RNF145: variants seen among roughly 807,000 people sequenced by gnomAD.
The protein encoded by RNF145 is ring finger protein 145.
In RNF145, 12 loss-of-function variants were observed where a neutral mutation model predicts 57.3. The ratio of observed to expected loss-of-function variants is 0.21; its 90% CI spans 0.13 to 0.34. RNF145 has a LOEUF of 0.34. RNF145 is among the 10% of genes least tolerant of loss of function. The pLI is 1.00. For missense variants in RNF145, 429 were observed against 799.0 expected, an observed-to-expected ratio of 0.54 and a Z score of 5.58; for synonymous variants, 262 against 288.3, an observed-to-expected ratio of 0.91 and a Z score of 0.92.
chr5:159,169,103 A>T, intron 7 of RNF145, 48 bp from the exon 8 acceptor site: 2 of 1,367,160 alleles, frequency 1.5e-6, no homozygotes, highest in Non-Finnish European at 2.0e-6. Flanking sequence ...TCTGAATCTC[A>T]TTTAATTCAA....
In RNF145 at chr5:159,158,311, C is replaced by A; in HGVS notation, c.*359G>T. Reference sequence around the variant, plus strand: ...TCCTTCTTTCCATGCTGTCCTCATGCTCTTTATCCTCACTTCCTCAGTCCC... The same window carrying A: ...TCCTTCTTTCCATGCTGTCCTCATGATCTTTATCCTCACTTCCTCAGTCCC... On this transcript the variant is annotated 3_prime_UTR_variant, in exon 11 of 11. Transcript: ENST00000424310. The A allele has an allele frequency of 4.3e-6, 1 of 234,344 alleles. No homozygotes were observed. The highest frequency in any genetic ancestry group is 7.0e-5 in the South Asian group (1 of 14,320). 14.5% of individuals were successfully genotyped at this position (234,344 alleles called of 1,614,324 possible).
chr5:159,201,605 C>A (rs151261098), intron 2 of RNF145, among the ~76,000 whole-genome samples: 136 of 152,274 alleles, frequency 8.9e-4, no homozygotes, highest in African/African-American at 3.2e-3. Flanking sequence ...GCACAAAACT[C>A]TATTTCATAA....
chr5:159,157,410 T>C lies in RNF145; in HGVS notation c.*1260A>G, dbSNP rs1286897629. The C allele has an allele frequency of 1.3e-5, 2 of 152,596 alleles. No homozygotes were observed. Among genetic ancestry groups the C allele is most frequent in the Non-Finnish European group, 2.9e-5 (2 of 68,024 alleles). The allele number at this position is 152,596 out of a possible 1,614,324, so 9.5% of individuals were successfully genotyped here. On this transcript the variant is annotated 3_prime_UTR_variant, in exon 11 of 11. Transcript: ENST00000424310. ...ACAAACCACAAGAACAAAACATAAT[T>C]ATCTTCAAATTTAAATTTATTAAGA...
intron 8 of RNF145, among the ~76,000 whole-genome samples, chr5:159,167,319 A>G (rs926616222): frequency 6.6e-6 from 1 of 152,160 alleles, no homozygotes. Context: ...CACAAGGAAT[A>G]ACACAGACAC....
chr5:159,194,560 A>G (rs1785391365), intron 3 of RNF145, among the ~76,000 whole-genome samples, 156 bp downstream of exon 3: 1 of 152,276 alleles, frequency 6.6e-6, no homozygotes, highest in Non-Finnish European at 1.5e-5. Context: ...TAAACCAGCT[A>G]TTAATCCTGT....
chr5:159,177,224 G>A lies in RNF145; in HGVS notation c.386-357C>T, dbSNP rs570322192. Among the ~76,000 whole-genome samples, 64 of 152,110 alleles carry A rather than the reference G, an allele frequency of 4.2e-4. 1 individual carries two copies. The highest frequency in any genetic ancestry group is 1.5e-3 in the African/African-American group (62 of 41,522). On this transcript the variant is annotated intron_variant, in intron 4 of 10. Transcript: ENST00000424310. ...TACATAACTTCTTTTCCAAAGGTACGCAATATTTAACTGTTCTGGTCTATA... is the reference window on the plus strand; with the variant it reads ...TACATAACTTCTTTTCCAAAGGTACACAATATTTAACTGTTCTGGTCTATA...
intron 2 of RNF145, among the ~76,000 whole-genome samples, chr5:159,201,377 A>G (rs1785661511): frequency 6.6e-6 from 1 of 152,230 alleles, no homozygotes; most frequent in Non-Finnish European, 1.5e-5. Context: ...TTGAAATTAT[A>G]GCTATACAAA....
intron 3 of RNF145, among the ~76,000 whole-genome samples, chr5:159,188,439 A>G (rs978369761): frequency 1.3e-5 from 2 of 151,994 alleles, no homozygotes; most frequent in African/African-American, 4.8e-5. Context: ...TTTAGAAAAA[A>G]CATCCATCTG....
At chr5:159,205,657 C>A (rs567103165) in intron 1 of RNF145, among the ~76,000 whole-genome samples, 1 of 152,244 alleles carries the variant, frequency 6.6e-6, no homozygotes, top group East Asian at 1.9e-4. Context: ...AAAATCACCA[C>A]GTACTGAGAT....
upstream of RNF145, chr5:159,209,863 C>G (rs1786052707): frequency 5.2e-6 from 8 of 1,536,114 alleles, no homozygotes; most frequent in Non-Finnish European, 7.0e-6. Context: ...CTGCAGGGAC[C>G]ACGTGGGAGA....
At chr5:159,160,272 CT>C (rs1784170328) in intron 10 of RNF145, among the ~76,000 whole-genome samples, 1 of 152,130 alleles carries the variant, frequency 6.6e-6, no homozygotes, top group African/African-American at 2.4e-5. Context: ...CCTCAGACCC[CT>C]CAAATGCAAA....
chr5:159,163,337 T>A (rs1033110055), intron 8 of RNF145, among the ~76,000 whole-genome samples: 2 of 152,256 alleles, frequency 1.3e-5, no homozygotes, highest in African/African-American at 2.4e-5. Context: ...TTGCTACTCC[T>A]AGCAATTTCA....
intron 3 of RNF145, among the ~76,000 whole-genome samples, chr5:159,189,179 G>A (rs950692309): frequency 6.6e-6 from 1 of 152,064 alleles, no homozygotes; most frequent in Non-Finnish European, 1.5e-5. Flanking sequence ...GATCTGATAA[G>A]GGACTTGTAT....
rs1237176495 is a variant in RNF145, at chr5:159,161,405, T to C, written c.1487A>G (p.Tyr496Cys). The C allele has an allele frequency of 2.0e-5, 32 of 1,614,154 alleles. No individual in the cohort carries two copies. Among genetic ancestry groups the C allele is most frequent in the Non-Finnish European group, 2.6e-5 (31 of 1,180,026 alleles). Residue 496 changes from tyrosine to cysteine, a missense_variant, in exon 10 of 11, where the codon TAT becomes TGT. Tyr to Cys is a radical substitution (Grantham distance 194, BLOSUM62 -2). This residue lies in a region of RNF145 where 216 missense variants were observed against 457.6 expected (regional missense o/e 0.47). Transcript: ENST00000424310. Reference protein sequence around the residue: ...GSMIIFIHSYYNVWLRAQLGW... With the variant: ...GSMIIFIHSYCNVWLRAQLGW... ...CAGCTGGGCCCGAAGCCACACGTTATAGTAGGAATGAATGAAGATGATCAT... is the reference window on the plus strand; with the variant it reads ...CAGCTGGGCCCGAAGCCACACGTTACAGTAGGAATGAATGAAGATGATCAT...
chr5:159,171,413 A>G (rs1253837712), intron 6 of RNF145, among the ~76,000 whole-genome samples: 3 of 152,098 alleles, frequency 2.0e-5, no homozygotes, highest in African/African-American at 7.2e-5. Flanking sequence ...TTACACCCAC[A>G]CAATATGATT....
At chr5:159,204,044 T>G (rs1785771177) in intron 1 of RNF145, among the ~76,000 whole-genome samples, 1 of 152,224 alleles carries the variant, frequency 6.6e-6, no homozygotes, top group South Asian at 2.1e-4. Flanking sequence ...GAATTTTGAA[T>G]ATTTACTCTA....
intron 1 of RNF145, among the ~76,000 whole-genome samples, chr5:159,205,182 A>T (rs1785832771): frequency 6.6e-6 from 1 of 152,204 alleles, no homozygotes; most frequent in Non-Finnish European, 1.5e-5. Flanking sequence ...TTTTATATAT[A>T]TAGCCTGCCA....
intron 3 of RNF145, among the ~76,000 whole-genome samples, chr5:159,188,407 AG>A (rs1320307807): frequency 6.6e-6 from 1 of 151,924 alleles, no homozygotes; most frequent in Non-Finnish European, 1.5e-5. Context: ...AAAAAAAAAA[AG>A]AAATACTGGA....
At chr5:159,204,286 T>C (rs1785779493) in intron 1 of RNF145, among the ~76,000 whole-genome samples, 1 of 152,060 alleles carries the variant, frequency 6.6e-6, no homozygotes, top group East Asian at 1.9e-4. Flanking sequence ...CCTTCAAGTG[T>C]TCATCAAATT....
Sources: allele counts gnomAD v4.1 joint callset (sites outside exome capture counted in the v4.1 genomes callset), GRCh38; gene constraint gnomAD v4.1.1; regional missense constraint gnomAD v4.1.1; transcripts MANE v1.5; gene names NCBI Gene and HGNC (gene_info 2026-07-23, HGNC 2026-07-21).